The following JARID2 variants were observed in gnomAD, a reference collection of about 807,000 sequenced individuals.
JARID2 encodes jumonji and AT-rich interaction domain containing 2.
A neutral mutation model predicts 125.6 loss-of-function variants in JARID2; 21 were observed. That is an observed-to-expected ratio of 0.17 (90% CI 0.12 to 0.24). The LOEUF (loss-of-function observed/expected upper bound fraction) is 0.24, where lower values mean the gene tolerates loss of function less well. JARID2 is among the 10% of genes least tolerant of loss of function. JARID2 has a pLI of 1.00. For missense variants in JARID2, 1,303 were observed against 1,639.6 expected, an observed-to-expected ratio of 0.79 and a Z score of 3.55; for synonymous variants, 736 against 661.6, an observed-to-expected ratio of 1.11 and a Z score of -1.73.
At chr6:15,315,616 A>C (rs970813866) in intron 1 of JARID2, among the ~76,000 whole-genome samples, 6 of 152,212 alleles carry the variant, frequency 3.9e-5, no homozygotes, top group African/African-American at 1.2e-4. Flanking sequence ...CGGTCAAAAA[A>C]GTGAGATATC....
chr6:15,281,223 T>C (rs9370809), intron 1 of JARID2, among the ~76,000 whole-genome samples: 41,698 of 152,168 alleles, frequency 0.27, 6,576 homozygotes, highest in Admixed American at 0.35. Context: ...TTGCAACCCT[T>C]TTATTCTAAT....
chr6:15,444,537 G>A (rs1767583533), intron 3 of JARID2, among the ~76,000 whole-genome samples: 1 of 152,094 alleles, frequency 6.6e-6, no homozygotes, highest in Non-Finnish European at 1.5e-5. Context: ...TTCTTTGAGT[G>A]GCTGCCAGGT....
chr6:15,426,455 A>T (rs1309089953), intron 3 of JARID2, among the ~76,000 whole-genome samples: 6 of 152,232 alleles, frequency 3.9e-5, no homozygotes, highest in Admixed American at 3.9e-4. Context: ...AGGCCCAGCT[A>T]GGCAGACTGG....
At chr6:15,490,302 T>C (rs751716006) in intron 6 of JARID2, among the ~76,000 whole-genome samples, 1 of 152,172 alleles carries the variant, frequency 6.6e-6, no homozygotes, top group Non-Finnish European at 1.5e-5. Context: ...TAAATGTGAC[T>C]GTATTGAAAT....
rs558823365 is a variant in JARID2, at chr6:15,487,823, C to T, written c.906+281C>T. On this transcript the variant is annotated intron_variant, in intron 6 of 17. Transcript: ENST00000341776. ...TTAAGCCTTCTCCCACCCACCCACC[C>T]TGGGCTCCAGATGAGCGGTAGAGTG... 2.0e-5 allele frequency among the ~76,000 whole-genome samples: 3 copies of T among 150,590 alleles called. No homozygotes were observed. The South Asian group carries it at 6.3e-4, about 32-fold the overall frequency.
intron 2 of JARID2, among the ~76,000 whole-genome samples, chr6:15,391,872 C>G (rs1232271440): frequency 6.6e-6 from 1 of 152,226 alleles, no homozygotes; most frequent in African/African-American, 2.4e-5. Context: ...TGCTCCTGCT[C>G]TCCCACTTTG....
chr6:15,437,530 T>TA (rs895426963), intron 3 of JARID2, among the ~76,000 whole-genome samples: 96 of 152,046 alleles, frequency 6.3e-4, no homozygotes, highest in Middle Eastern at 3.4e-3. Flanking sequence ...TTGTATGACA[T>TA]AAAAAAATAG....
chr6:15,340,054 G>A (rs996071109), intron 1 of JARID2, among the ~76,000 whole-genome samples: 1 of 151,772 alleles, frequency 6.6e-6, no homozygotes, highest in Non-Finnish European at 1.5e-5. Flanking sequence ...CTGACTCCCG[G>A]GTTCATGCAA....
rs767768656 is a variant in JARID2 at position 15,349,100 on chromosome 6, C to CT, written c.46-25015dup. 3.3e-4 allele frequency among the ~76,000 whole-genome samples: 50 copies of CT among 152,272 alleles called. No homozygotes were observed. In the Middle Eastern group the frequency reaches 0.027, roughly 83 times the overall value. On this transcript the variant is annotated intron_variant, in intron 1 of 17. Transcript: ENST00000341776. ...ATGAGTTTCCCTCTTGACCTTGCAG[C>CT]TTATGTTGGTCTGCTTTTCAATATT...
chr6:15,400,836 C>T (rs966917803), intron 2 of JARID2: 7 of 1,272,752 alleles, frequency 5.5e-6, no homozygotes, highest in Middle Eastern at 3.2e-4. Context: ...TTGCTTATTA[C>T]GTACAGGGGA....
chr6:15,489,584 G>T (rs1285233112), intron 6 of JARID2, among the ~76,000 whole-genome samples: 2 of 152,234 alleles, frequency 1.3e-5, no homozygotes, highest in African/African-American at 4.8e-5. Flanking sequence ...ACAGAGGAAA[G>T]AGCTGAGGAG....
intron 4 of JARID2, among the ~76,000 whole-genome samples, chr6:15,466,925 A>G (rs1025635034): frequency 6.6e-6 from 1 of 152,210 alleles, no homozygotes; most frequent in Non-Finnish European, 1.5e-5. Flanking sequence ...CTAAATGGAG[A>G]CAATCAAGGG....
At chr6:15,509,596 C>T (rs1280782203) in intron 12 of JARID2, among the ~76,000 whole-genome samples, 1 of 152,228 alleles carries the variant, frequency 6.6e-6, no homozygotes, top group Non-Finnish European at 1.5e-5. Flanking sequence ...CTTAGCCGGG[C>T]CAGGCCACCA....
chr6:15,467,826 T>C (rs115051557), intron 4 of JARID2, among the ~76,000 whole-genome samples: 100 of 148,650 alleles, frequency 6.7e-4, no homozygotes, highest in African/African-American at 2.5e-3. Context: ...AATAATGATA[T>C]TGAGCTTATT....
At chr6:15,493,429 G>T (rs1268157595) in intron 6 of JARID2, among the ~76,000 whole-genome samples, 1 of 152,140 alleles carries the variant, frequency 6.6e-6, no homozygotes, top group Non-Finnish European at 1.5e-5. Context: ...ACAGGAGTTG[G>T]GTTATGTCCG....
chr6:15,355,438 A>C (rs1763565297), intron 1 of JARID2, among the ~76,000 whole-genome samples: 1 of 152,214 alleles, frequency 6.6e-6, no homozygotes, highest in South Asian at 2.1e-4. Context: ...TACTAATAAT[A>C]CTAATAATTA....
At chr6:15,513,514 C>A in intron 16 of JARID2, 92 bp downstream of exon 16, 1 of 1,196,036 alleles carries the variant, frequency 8.4e-7, no homozygotes, top group Non-Finnish European at 1.2e-6. Flanking sequence ...GCGCTCTCTG[C>A]CCAGGAGACC....
At chr6:15,356,380 G>A (rs1408570617) in intron 1 of JARID2, among the ~76,000 whole-genome samples, 1 of 152,044 alleles carries the variant, frequency 6.6e-6, no homozygotes, top group Non-Finnish European at 1.5e-5. Flanking sequence ...TGCTGTATGA[G>A]GTTTCCCGTT....
intron 3 of JARID2, among the ~76,000 whole-genome samples, chr6:15,435,824 T>A (rs965043770): frequency 5.7e-5 from 8 of 139,966 alleles, no homozygotes; most frequent in African/African-American, 1.7e-4. Flanking sequence ...GAATTCCAAA[T>A]TTTTTTTTTT....
Sources: gnomAD v4.1 joint callset for allele counts (sites outside exome capture counted in the v4.1 genomes callset) on GRCh38, gnomAD v4.1.1 for gene constraint, MANE v1.5 for transcripts, NCBI Gene and HGNC (gene_info 2026-07-23, HGNC 2026-07-21) for gene names.